The following ERAP1 variants were observed in gnomAD, a reference collection of about 807,000 sequenced individuals.
ERAP1 encodes the protein adipocyte-derived leucine aminopeptidase.
A neutral mutation model predicts 103.7 loss-of-function variants in ERAP1; 86 were observed. The ratio of observed to expected loss-of-function variants is 0.83; its 90% confidence interval spans 0.70 to 0.99. ERAP1 has a LOEUF of 0.99. ERAP1 is among the 50% of genes least tolerant of loss of function. ERAP1 has a pLI of 0.00. For missense variants in ERAP1, 1,009 were observed against 1,128.4 expected, an observed-to-expected ratio of 0.89 and a Z score of 1.52; for synonymous variants, 398 against 402.4, an observed-to-expected ratio of 0.99 and a Z score of 0.13.
the ERAP1 span, among the ~76,000 whole-genome samples, chr5:96,897,868 ATTGT>A: frequency 1.3e-5 from 2 of 152,202 alleles, no homozygotes; most frequent in African/African-American, 4.8e-5. Context: ...CAGTAATAAT[ATTGT>A]TTAATATTTC....
chr5:96,935,849 G>C, the ERAP1 span: 3 of 376,516 alleles, frequency 8.0e-6, no homozygotes, highest in African/African-American at 4.2e-5. Flanking sequence ...CGCCGCAGCC[G>C]GGTCCACTTC....
exon 20 of ERAP1, chr5:96,762,850 T>C: frequency 2.8e-6 from 1 of 361,056 alleles, no homozygotes; most frequent in Non-Finnish European, 5.1e-6. Context: ...TCTTCCCAAT[T>C]CACACCAGTA....
intron 19 of ERAP1, chr5:96,769,206 C>T (rs1771219113): frequency 6.6e-6 from 1 of 152,184 alleles, no homozygotes; most frequent in Non-Finnish European, 1.5e-5. Context: ...ACTGAATTGT[C>T]AGCCCTTCCA....
the ERAP1 span, among the ~76,000 whole-genome samples, chr5:96,874,002 G>A: frequency 6.6e-6 from 1 of 151,112 alleles, no homozygotes; most frequent in Non-Finnish European, 1.5e-5. Context: ...CTGAGTAAGA[G>A]ACAATTCAGA....
Position 96,783,356 on chromosome 5 carries a change from G to A in ERAP1, c.2101-121C>T, listed in dbSNP as rs1191756136. On this transcript the variant is annotated intron_variant, in intron 14 of 18. Transcript: ENST00000443439. ...TTTAAAGCATAATCTAACTTTTACT[G>A]TATAAATCATGCAGCACTGTTTAAT... 7.3e-6 allele frequency: 6 copies of A among 822,506 alleles called. No homozygotes were observed. The East Asian group carries it at 7.6e-5, about 10-fold the overall frequency. The allele number at this position is 822,506 out of a possible 1,614,324, so 51.0% of individuals were successfully genotyped here.
chr5:96,843,568 T>C, the ERAP1 span, among the ~76,000 whole-genome samples: 1 of 152,146 alleles, frequency 6.6e-6, no homozygotes. Context: ...CGTGGAAAGT[T>C]GGGGTTTTCC....
At chr5:96,783,857 AC>A in intron 14 of ERAP1, 66 bp downstream of exon 14, 1 of 1,113,302 alleles carries the variant, frequency 9.0e-7, no homozygotes, top group Admixed American at 2.6e-5. Context: ...ACACACACAT[AC>A]ACACACAATG....
chr5:96,796,885 T>C (rs1174567262), intron 4 of ERAP1, among the ~76,000 whole-genome samples: 2 of 152,170 alleles, frequency 1.3e-5, no homozygotes, highest in Non-Finnish European at 2.9e-5. Context: ...CTCAAACTCC[T>C]GGGCTCAAGG....
At chr5:96,900,232 T>C in the ERAP1 span, 1 of 1,611,246 alleles carries the variant, frequency 6.2e-7, no homozygotes. Flanking sequence ...ATCTGTGGAA[T>C]AGCCTGACCT....
the ERAP1 span, chr5:96,896,455 A>G: frequency 1.9e-6 from 3 of 1,613,566 alleles, no homozygotes; most frequent in Admixed American, 3.3e-5. Context: ...AAACCAGCGG[A>G]AACCCCGACT....
chr5:96,775,230 T>G lies in ERAP1; in HGVS notation c.*1166A>C. 1.0e-6 allele frequency: 1 copy of G among 984,096 alleles called. No individual in the cohort carries two copies. Among genetic ancestry groups the G allele is most frequent in the Admixed American group, 6.2e-5 (1 of 16,032 alleles). The allele number at this position is 984,096 out of a possible 1,614,324, so 61.0% of individuals were successfully genotyped here. ...CTATACATAAAACCTGAGCAGCAAC[T>G]GTGTGCTGAAGCAACCGTGTGTGAA... On this transcript the variant is annotated 3_prime_UTR_variant, in exon 19 of 19. Transcript: ENST00000443439.
At chr5:96,909,172 A>T in the ERAP1 span, 8 of 1,555,928 alleles carry the variant, frequency 5.1e-6, no homozygotes, top group East Asian at 2.2e-5. Flanking sequence ...CTGGAGTATC[A>T]GTCAGGCTCA....
At chr5:96,902,207 G>A in the ERAP1 span, 1 of 1,104,674 alleles carries the variant, frequency 9.1e-7, no homozygotes, top group South Asian at 1.3e-5. Flanking sequence ...GTCTGTCTGA[G>A]TCTGACAATG....
chr5:96,839,238 A>G, the ERAP1 span, among the ~76,000 whole-genome samples: 2 of 152,238 alleles, frequency 1.3e-5, no homozygotes, highest in Admixed American at 6.5e-5. Flanking sequence ...AGCTTCAGAT[A>G]TTTAGAGTTT....
At chr5:96,779,036 G>T (rs745401945) in intron 18 of ERAP1, among the ~76,000 whole-genome samples, 22 of 152,092 alleles carry the variant, frequency 1.4e-4, no homozygotes, top group South Asian at 4.2e-4. Context: ...CATTTCCTTC[G>T]ATATCTTCTC....
At chr5:96,780,612 G>A in intron 17 of ERAP1, 108 bp from the exon 18 acceptor site, 1 of 857,580 alleles carries the variant, frequency 1.2e-6, no homozygotes. Flanking sequence ...TGATCGGTGT[G>A]AAAAATACAA....
intron 3 of ERAP1, 140 bp downstream of exon 3, chr5:96,800,722 G>A: frequency 2.2e-6 from 2 of 924,312 alleles, no homozygotes; most frequent in Middle Eastern, 5.2e-4. Flanking sequence ...AAAAGCATAG[G>A]TTATAAATGA....
At chr5:96,891,553 CA>C in the ERAP1 span, among the ~76,000 whole-genome samples, 1 of 144,688 alleles carries the variant, frequency 6.9e-6, no homozygotes, top group African/African-American at 2.6e-5. Flanking sequence ...CACACACACA[CA>C]CACACACACA....
chr5:96,921,739 CAT>C, the ERAP1 span, among the ~76,000 whole-genome samples: 42 of 152,312 alleles, frequency 2.8e-4, no homozygotes, highest in South Asian at 6.2e-4. Flanking sequence ...TATTTACACA[CAT>C]GATTTCCCAC....
Sources: allele counts gnomAD v4.1 joint callset (sites outside exome capture counted in the v4.1 genomes callset), GRCh38; gene constraint gnomAD v4.1.1; transcripts MANE v1.5; gene names NCBI Gene and HGNC (gene_info 2026-07-23, HGNC 2026-07-21).